The following SGCZ variants were observed in gnomAD, a reference collection of about 807,000 sequenced individuals.
SGCZ encodes the protein zeta-sarcoglycan.
In SGCZ, 40 loss-of-function variants were observed where a neutral mutation model predicts 41.3. The ratio of observed to expected loss-of-function variants is 0.97; its 90% CI spans 0.75 to 1.26. SGCZ has a LOEUF of 1.26. SGCZ is among the 50% of genes most tolerant of loss of function. The pLI, the probability that SGCZ is intolerant of heterozygous loss-of-function variation, is 0.00. For synonymous variants in SGCZ, 206 were observed against 137.5 expected (o/e 1.50, Z -3.49); for missense variants, 552 against 369.8 (o/e 1.49, Z -4.04).
At chr8:14,705,757 G>A (rs957272904) in intron 1 of SGCZ, among the ~76,000 whole-genome samples, 2 of 151,978 alleles carry the variant, frequency 1.3e-5, no homozygotes, top group Non-Finnish European at 2.9e-5. Flanking sequence ...AACATCTTTG[G>A]AAAACAGTTT....
chr8:15,075,933 C>CAA (rs1361403751), intron 1 of SGCZ, among the ~76,000 whole-genome samples: 2 of 138,334 alleles, frequency 1.4e-5, no homozygotes, highest in Admixed American at 7.2e-5. Flanking sequence ...TATCCCAGAC[C>CAA]AAAAAAAAAA....
intron 1 of SGCZ, among the ~76,000 whole-genome samples, chr8:15,181,766 G>C (rs1800187350): frequency 1.3e-5 from 2 of 152,146 alleles, no homozygotes; most frequent in Admixed American, 6.5e-5. Context: ...TTGTGTTTCT[G>C]TCTGTATAAT....
At chr8:14,177,940 C>CTTCTTTTCTTTTTTT (rs143660866) in intron 4 of SGCZ, among the ~76,000 whole-genome samples, 29,797 of 88,964 alleles carry the variant, frequency 0.33, 7,817 homozygotes, top group East Asian at 0.71. Flanking sequence ...TTCTTTTTTC[C>CTTCTTTTCTTTTTTT]TTCTTTTCTT....
intron 1 of SGCZ, chr8:14,853,330 C>A: frequency 3.1e-6 from 1 of 322,578 alleles, no homozygotes; most frequent in Non-Finnish European, 7.0e-6. Flanking sequence ...TGGCACTTTT[C>A]ATCTCACCTG....
chr8:14,920,633 T>C (rs540091021), intron 1 of SGCZ, among the ~76,000 whole-genome samples: 83 of 152,290 alleles, frequency 5.5e-4, no homozygotes, highest in African/African-American at 1.9e-3. Flanking sequence ...GCTATTAACA[T>C]GCCTAAGCCA....
intron 2 of SGCZ, among the ~76,000 whole-genome samples, chr8:14,344,937 C>T (rs1459392658): frequency 6.6e-6 from 1 of 151,896 alleles, no homozygotes; most frequent in Non-Finnish European, 1.5e-5. Context: ...TACGATACAA[C>T]TAATTTAGGG....
At chr8:14,112,389 A>T (rs1802403210) in intron 5 of SGCZ, among the ~76,000 whole-genome samples, 1 of 143,388 alleles carries the variant, frequency 7.0e-6, no homozygotes, top group Non-Finnish European at 1.5e-5. Flanking sequence ...GGTTAACAGG[A>T]CATAAACAGC....
In SGCZ at chr8:14,836,520, A is replaced by G. The variant is rs542215709; in HGVS notation, c.40-281594T>C. Reference sequence around the variant, plus strand: ...CTCACAATTGTGTTTTTGTTTTGAGACGGGGTCTCACTCTGTTGCCCAAGC... The same window carrying G: ...CTCACAATTGTGTTTTTGTTTTGAGGCGGGGTCTCACTCTGTTGCCCAAGC... On this transcript the variant is annotated intron_variant, in intron 1 of 7. Coordinates refer to ENST00000382080, the MANE Select transcript of SGCZ (RefSeq NM_139167.4). 7.9e-5 allele frequency among the ~76,000 whole-genome samples: 12 copies of G among 152,072 alleles called. No homozygotes were observed. The East Asian group carries it at 1.7e-3, about 22-fold the overall frequency.
chr8:14,288,102 A>G (rs939724781), intron 3 of SGCZ, among the ~76,000 whole-genome samples: 1 of 152,104 alleles, frequency 6.6e-6, no homozygotes, highest in African/African-American at 2.4e-5. Flanking sequence ...TTGACCCATG[A>G]ATAAGAATTG....
intron 1 of SGCZ, among the ~76,000 whole-genome samples, chr8:14,607,121 G>C (rs910164646): frequency 1.3e-5 from 2 of 152,066 alleles, no homozygotes; most frequent in Non-Finnish European, 2.9e-5. Flanking sequence ...TCTGTAAAAT[G>C]GGGATAATAA....
At chr8:14,162,765 G>C (rs568553063) in intron 5 of SGCZ, 1 of 152,400 alleles carries the variant, frequency 6.6e-6, no homozygotes, top group Admixed American at 6.5e-5. Flanking sequence ...AGGGACAGGC[G>C]TAGGGGTAAG....
At chr8:14,351,614 T>C (rs1311900951) in intron 2 of SGCZ, among the ~76,000 whole-genome samples, 2 of 151,596 alleles carry the variant, frequency 1.3e-5, no homozygotes, top group African/African-American at 2.4e-5. Context: ...AAAATTCAAA[T>C]AGAACATGAT....
At chr8:15,181,725 G>C (rs1309114698) in intron 1 of SGCZ, among the ~76,000 whole-genome samples, 1 of 152,196 alleles carries the variant, frequency 6.6e-6, no homozygotes, top group East Asian at 1.9e-4. Context: ...TAACTGAACA[G>C]TTGTTATGGG....
intron 1 of SGCZ, among the ~76,000 whole-genome samples, chr8:14,555,727 C>T (rs1804015581): frequency 6.6e-6 from 1 of 151,988 alleles, no homozygotes; most frequent in South Asian, 2.1e-4. Context: ...TTTTCTGTAC[C>T]TTTCTCTAAA....
chr8:14,985,157 T>A (rs1188129743), intron 1 of SGCZ, among the ~76,000 whole-genome samples: 4 of 152,202 alleles, frequency 2.6e-5, no homozygotes, highest in Admixed American at 2.6e-4. Flanking sequence ...ATTTGGATGC[T>A]TATTGTTGTC....
intron 1 of SGCZ, among the ~76,000 whole-genome samples, chr8:14,739,120 CTG>C (rs1269957399): frequency 2.0e-5 from 3 of 152,006 alleles, no homozygotes; most frequent in Non-Finnish European, 4.4e-5. Flanking sequence ...GTATGTGTGT[CTG>C]TGTGCGTGAG....
chr8:15,031,548 C>T (rs984367590), intron 1 of SGCZ, among the ~76,000 whole-genome samples: 1 of 152,186 alleles, frequency 6.6e-6, no homozygotes, highest in African/African-American at 2.4e-5. Flanking sequence ...ATCCTCACAA[C>T]AACCCTGTGA....
At chr8:14,395,996 T>C (rs1658264293) in intron 2 of SGCZ, among the ~76,000 whole-genome samples, 1 of 152,190 alleles carries the variant, frequency 6.6e-6, no homozygotes, top group South Asian at 2.1e-4. Context: ...TAATGTATCC[T>C]CACTGTATGT....
At chr8:14,742,463 C>T (rs930375444) in intron 1 of SGCZ, among the ~76,000 whole-genome samples, 13 of 151,996 alleles carry the variant, frequency 8.6e-5, no homozygotes, top group Admixed American at 1.3e-4. Context: ...AGCACCTATG[C>T]CACCCATTTA....
Sources: allele counts gnomAD v4.1 joint callset (sites outside exome capture counted in the v4.1 genomes callset), GRCh38; gene constraint gnomAD v4.1.1; transcripts MANE v1.5; gene names NCBI Gene and HGNC (gene_info 2026-07-23, HGNC 2026-07-21).